Variants in MOV10L1 observed in about 807,000 individuals in gnomAD.
The protein encoded by MOV10L1 is RNA helicase Mov10l1.
Under a neutral mutation model 143.8 loss-of-function variants are expected in MOV10L1, and 110 were observed. That is an observed-to-expected ratio of 0.76 (90% confidence interval 0.66 to 0.90). MOV10L1 has a LOEUF of 0.90. Ranked by LOEUF, MOV10L1 falls within the 40% of genes least tolerant of loss-of-function variation. The pLI, the probability that MOV10L1 is intolerant of heterozygous loss-of-function variation, is 0.00. For synonymous variants in MOV10L1, 593 were observed against 581.1 expected, an observed-to-expected ratio of 1.02 and a Z score of -0.29; for missense variants, 1,406 against 1,526.8, an observed-to-expected ratio of 0.92 and a Z score of 1.32.
chr22:50,108,553 C>A, intron 4 of MOV10L1, 104 bp from the exon 5 acceptor site: 1 of 1,289,962 alleles, frequency 7.8e-7, no homozygotes, highest in Non-Finnish European at 1.1e-6. Context: ...CTTGAGCTTC[C>A]TGGTGCAGCT....
chr22:50,115,966 C>G (rs1054257411), intron 8 of MOV10L1, among the ~76,000 whole-genome samples: 1 of 152,202 alleles, frequency 6.6e-6, no homozygotes, highest in Admixed American at 6.5e-5. Flanking sequence ...CTTCGCTCTC[C>G]CTGGTGTGGT....
At position 50,111,486 on chromosome 22, in the gene MOV10L1, C is replaced by CTTTT. The variant is rs529438045; in HGVS notation, c.744-2138_744-2135dup. Among the ~76,000 whole-genome samples the CTTTT allele has an allele frequency of 5.7e-4, 34 of 59,146 alleles. 7 individuals carry two copies. The highest frequency in any genetic ancestry group is 2.6e-3 in the Admixed American group (13 of 4,970). The allele number at this position is 59,146 out of a possible 152,430, so 38.8% of individuals were successfully genotyped here. ...GAGTGGGGTCCCGACTCTGTCTTTG[C>CTTTT]TTTTTTTTTTTTTTTTTTTTTTTTT... is the stretch of plus-strand genomic sequence containing the variant. On this transcript the variant is annotated intron_variant, in intron 5 of 26. Transcript: ENST00000262794.
At chr22:50,123,465 A>G (rs2062410420) in intron 10 of MOV10L1, among the ~76,000 whole-genome samples, 2 of 152,062 alleles carry the variant, frequency 1.3e-5, no homozygotes, top group South Asian at 4.2e-4. Flanking sequence ...CCTGGGCTCA[A>G]GCAATCCTCC....
chr22:50,140,494 G>A (rs896521244), intron 15 of MOV10L1, among the ~76,000 whole-genome samples: 2 of 152,088 alleles, frequency 1.3e-5, no homozygotes, highest in African/African-American at 4.8e-5. Context: ...CCTAGGCCAC[G>A]TTGCAAGAAG....
intron 9 of MOV10L1, among the ~76,000 whole-genome samples, chr22:50,117,913 C>G (rs550363832): frequency 9.2e-5 from 14 of 152,248 alleles, no homozygotes; most frequent in Admixed American, 4.6e-4. Context: ...GTGTTCTCTT[C>G]TGTAGTTATA....
Position 50,158,123 on chromosome 22 carries a change from C to G in MOV10L1, c.3133C>G (p.Arg1045Gly). The G allele has an allele frequency of 6.2e-7, 1 of 1,614,192 alleles. No homozygotes were observed. The highest frequency in any genetic ancestry group is 8.5e-7 in the Non-Finnish European group (1 of 1,180,036). ...FNPAEAVQVL[R>G]YCCLLAHSIS... ...CCCGGCCGAGGCCGTCCAGGTCCTG[C>G]GCTACTGCTGCCTCCTGGCCCACAG... The change falls in exon 23 of 27, where the codon CGC becomes GGC. Residue 1045 changes from arginine to glycine, a missense_variant. Around this residue, in one of 3 missense-constraint regions of MOV10L1, gnomAD observed 1,233 missense variants for 1,351.4 expected, o/e 0.91. Transcript: ENST00000262794. This position sits in a 1 kb window ranked among gnomAD's most constrained non-coding sequence, Gnocchi z 5.0.
intron 19 of MOV10L1, among the ~76,000 whole-genome samples, chr22:50,149,028 T>G (rs1452889825): frequency 1.3e-5 from 2 of 152,246 alleles, no homozygotes; most frequent in African/African-American, 4.8e-5. Context: ...CCTATTGGCA[T>G]GCAGGCCAGG....
At chr22:50,109,071 GA>G (rs2061950707) in intron 5 of MOV10L1, among the ~76,000 whole-genome samples, 2 of 152,166 alleles carry the variant, frequency 1.3e-5, no homozygotes, top group Non-Finnish European at 2.9e-5. Flanking sequence ...TTGAACCTGA[GA>G]GGCAGAGGTT....
At chr22:50,133,745 T>C (rs138256) in intron 13 of MOV10L1, among the ~76,000 whole-genome samples, 40,029 of 151,860 alleles carry the variant, frequency 0.26, 5,745 homozygotes, top group Non-Finnish European at 0.33. Context: ...GGTTTCATCA[T>C]GTTGGCCAGG....
chr22:50,131,290 A>T lies in MOV10L1; in HGVS notation c.1911-2717A>T, dbSNP rs75190522. On this transcript the variant is annotated intron_variant, in intron 13 of 26. Transcript: ENST00000262794. ...TTCCTCAAGTCTTTGGGCCCATTTT[A>T]AAAAATTGTTTTCTCATGATTGAGT... 1.8e-3 allele frequency among the ~76,000 whole-genome samples: 276 copies of T among 152,256 alleles called. 6 individuals are homozygous for T. In the East Asian group the frequency reaches 0.046, roughly 26 times the overall value.
intron 15 of MOV10L1, among the ~76,000 whole-genome samples, chr22:50,141,495 A>ATTTTTTTTTTTTTTT (rs56881561): frequency 1.4e-5 from 2 of 138,174 alleles, no homozygotes; most frequent in African/African-American, 2.7e-5. Flanking sequence ...TGCCCGGCTA[A>ATTTTTTTTTTTTTTT]TTTTTTTTTT....
chr22:50,090,721 G>A (rs1042032493), intron 1 of MOV10L1: 1 of 634,158 alleles, frequency 1.6e-6, no homozygotes, highest in African/African-American at 1.8e-5. Flanking sequence ...TTGTTGCCCA[G>A]GCTGGAGTGC....
intron 22 of MOV10L1, among the ~76,000 whole-genome samples, chr22:50,156,213 T>G (rs897746164): frequency 5.3e-5 from 8 of 152,052 alleles, no homozygotes; most frequent in African/African-American, 1.4e-4. Flanking sequence ...CCTCCCATGT[T>G]CAAGCAGTTC....
intron 20 of MOV10L1, among the ~76,000 whole-genome samples, chr22:50,150,494 G>A (rs1429573930): frequency 6.6e-6 from 1 of 152,092 alleles, no homozygotes; most frequent in African/African-American, 2.4e-5. Flanking sequence ...AGAAAACCAG[G>A]CTGCAGAAGC....
At chr22:50,149,295 G>C (rs1186860460) in intron 19 of MOV10L1, 1 of 329,598 alleles carries the variant, frequency 3.0e-6, no homozygotes, top group Non-Finnish European at 5.7e-6. Flanking sequence ...CAGGCCAGGA[G>C]CCTGCGGCGC....
intron 18 of MOV10L1, among the ~76,000 whole-genome samples, chr22:50,145,357 G>C (rs1267504046): frequency 6.6e-6 from 1 of 152,214 alleles, no homozygotes; most frequent in Non-Finnish European, 1.5e-5. Context: ...GGGAGGCAGA[G>C]GTTGCAGTGA....
intron 2 of MOV10L1, among the ~76,000 whole-genome samples, chr22:50,096,618 GT>G: frequency 6.6e-6 from 1 of 152,266 alleles, no homozygotes; most frequent in South Asian, 2.1e-4. Flanking sequence ...CACTTTTTCT[GT>G]ATCCTTGCCA....
intron 20 of MOV10L1, 138 bp from the exon 21 acceptor site, chr22:50,150,597 C>T: frequency 2.1e-6 from 2 of 959,552 alleles, no homozygotes; most frequent in East Asian, 5.3e-5. Flanking sequence ...ATTCCCTGGT[C>T]TCCCAGTCCC....
intron 19 of MOV10L1, chr22:50,146,840 C>A: frequency 1.9e-6 from 1 of 513,672 alleles, no homozygotes. Context: ...GTCCTTTCAT[C>A]ATGAGATTAG....
Sources: allele counts gnomAD v4.1 joint callset (sites outside exome capture counted in the v4.1 genomes callset), GRCh38; gene constraint gnomAD v4.1.1; regional missense constraint gnomAD v4.1.1; non-coding constraint Gnocchi (gnomAD v3.1); transcripts MANE v1.5; gene names NCBI Gene and HGNC (gene_info 2026-07-23, HGNC 2026-07-21).